MTMR2: variants seen among roughly 807,000 people sequenced by gnomAD.
MTMR2 encodes the protein phosphatidylinositol-3,5-bisphosphate 3-phosphatase MTMR2.
In MTMR2, 55 loss-of-function variants were observed where a neutral mutation model predicts 86.9. The observed-to-expected ratio is 0.63, with a 90% CI of 0.51 to 0.79. The LOEUF (loss-of-function observed/expected upper bound fraction) is 0.79, where lower values mean the gene tolerates loss of function less well. MTMR2 is among the 30% of genes least tolerant of loss of function. The pLI, the probability that MTMR2 is intolerant of heterozygous loss-of-function variation, is 0.00. For synonymous variants in MTMR2, 241 were observed against 266.8 expected, an observed-to-expected ratio of 0.90 and a Z score of 0.94; for missense variants, 659 against 772.3, an observed-to-expected ratio of 0.85 and a Z score of 1.74.
intron 2 of MTMR2, among the ~76,000 whole-genome samples, chr11:95,875,134 T>C (rs1340600444): frequency 2.0e-5 from 3 of 152,228 alleles, no homozygotes; most frequent in East Asian, 1.9e-4. Flanking sequence ...TGAATTTGAA[T>C]GTTGGCCTGC....
At chr11:95,846,377 T>C (rs1388663372) in intron 10 of MTMR2, among the ~76,000 whole-genome samples, 1 of 152,212 alleles carries the variant, frequency 6.6e-6, no homozygotes, top group Non-Finnish European at 1.5e-5. Context: ...GTTTACATTC[T>C]ATTTGGGTGA....
chr11:95,871,977 T>A (rs557858603), intron 2 of MTMR2, among the ~76,000 whole-genome samples: 2 of 152,338 alleles, frequency 1.3e-5, no homozygotes, highest in South Asian at 4.1e-4. Context: ...CCCAGCACTG[T>A]TTATTAAATA....
At chr11:95,838,037 T>C (rs903526034) in intron 13 of MTMR2, 57 bp downstream of exon 13, 6 of 1,105,746 alleles carry the variant, frequency 5.4e-6, no homozygotes, top group Non-Finnish European at 8.3e-6. Flanking sequence ...AGTACATTCT[T>C]TTAGGGAAAA....
At chr11:95,890,634 A>G (rs901204824) in intron 1 of MTMR2, among the ~76,000 whole-genome samples, 7 of 152,246 alleles carry the variant, frequency 4.6e-5, no homozygotes, top group East Asian at 1.9e-4. Flanking sequence ...CCATCTTATA[A>G]ACATTAGCAA....
chr11:95,895,672 G>C (rs1267786319), intron 1 of MTMR2, among the ~76,000 whole-genome samples: 1 of 152,066 alleles, frequency 6.6e-6, no homozygotes, highest in East Asian at 1.9e-4. Context: ...AAATGGTATA[G>C]CCACTTTGGA....
intron 7 of MTMR2, among the ~76,000 whole-genome samples, chr11:95,853,873 GA>G (rs1470754768): frequency 4.6e-5 from 7 of 152,052 alleles, no homozygotes; most frequent in Admixed American, 1.3e-4. Context: ...AGAAAACATG[GA>G]GTCAGAGCTA....
intron 1 of MTMR2, among the ~76,000 whole-genome samples, chr11:95,909,313 G>A (rs1866411928): frequency 6.6e-6 from 1 of 152,084 alleles, no homozygotes; most frequent in Admixed American, 6.6e-5. Flanking sequence ...GTTGTTTCAT[G>A]TAGATTTTGT....
At chr11:95,889,956 A>G (rs763353888) in intron 1 of MTMR2, among the ~76,000 whole-genome samples, 3 of 152,236 alleles carry the variant, frequency 2.0e-5, no homozygotes, top group Non-Finnish European at 4.4e-5. Context: ...TTTTGATGAA[A>G]TACTTCACCT....
Position 95,888,180 on chromosome 11 carries a change from G to T in MTMR2, c.162C>A (p.Ala54=), listed in dbSNP as rs547213836. The T allele has an allele frequency of 6.2e-7, 1 of 1,612,820 alleles. No individual in the cohort carries two copies. Among genetic ancestry groups the T allele is most frequent in the Non-Finnish European group, 8.5e-7 (1 of 1,179,204 alleles). The change falls in exon 2 of 15, where the codon GCC becomes GCA. Residue 54 remains alanine (A), a synonymous_variant. Coordinates refer to ENST00000346299, the MANE Select transcript of MTMR2 (RefSeq NM_016156.6). ...CCCTCAAATCAGGAGAAAAGTTGTCGGCAGAAGTTGAAATGGAATCTGATG... is the reference window on the plus strand; with the variant it reads ...CCCTCAAATCAGGAGAAAAGTTGTCTGCAGAAGTTGAAATGGAATCTGATG... ...VVSSDSISTS[A]DNFSPDLRVL...
chr11:95,839,800 T>C (rs1041993025), intron 12 of MTMR2, among the ~76,000 whole-genome samples: 2 of 152,066 alleles, frequency 1.3e-5, no homozygotes, highest in African/African-American at 2.4e-5. Flanking sequence ...CTAACAAACA[T>C]TATGACTAGT....
rs1863869451 is a variant in MTMR2 at position 95,848,047 on chromosome 11, T to C, written c.994-148A>G. On this transcript the variant is annotated intron_variant, in intron 9 of 14. Transcript: ENST00000346299. Reference sequence around the variant, plus strand: ...AAAATGTGGATGGCTCAGGACAACTTATTTAGCACAACCACTCGCTTTCTT... The same window carrying C: ...AAAATGTGGATGGCTCAGGACAACTCATTTAGCACAACCACTCGCTTTCTT... The C allele has an allele frequency of 2.9e-5, 22 of 760,498 alleles. 1 individual carries two copies. The Middle Eastern group carries it at 2.6e-3, about 88-fold the overall frequency. The allele number at this position is 760,498 out of a possible 1,614,324, so 47.1% of individuals were successfully genotyped here.
chr11:95,835,366 G>C lies in MTMR2; in HGVS notation c.1856C>G (p.Ser619Cys). ...CTCTGAGGATGAGGTTGATCGGTTA[G>C]AAATCTCTCTCTGTAGTTCCTCTAC... ...KKVEELQREI[S>C]NRSTSSSERA... The change falls in exon 15 of 15, where the codon TCT becomes TGT. Residue 619 changes from serine to cysteine, a missense_variant. By Grantham distance (112) the Ser-to-Cys change is moderately radical (BLOSUM62 -1). This residue lies in a region of MTMR2 where 193 missense variants were observed against 191.6 expected (regional missense o/e 1.01). Transcript: ENST00000346299. 4 of 1,613,180 alleles carry C rather than the reference G, an allele frequency of 2.5e-6. No individual in the cohort carries two copies. The highest frequency in any genetic ancestry group is 3.4e-6 in the Non-Finnish European group (4 of 1,179,392).
chr11:95,922,428 T>A (rs1591059147), intron 1 of MTMR2, among the ~76,000 whole-genome samples: 1 of 152,312 alleles, frequency 6.6e-6, no homozygotes, highest in African/African-American at 2.4e-5. Flanking sequence ...ACTGAACATG[T>A]TAATCCTCAG....
In MTMR2 at chr11:95,911,835, CA is replaced by C. The variant is rs542866001; in HGVS notation, c.80+12039del. 1.8e-4 allele frequency among the ~76,000 whole-genome samples: 27 copies of C among 152,182 alleles called. No homozygotes were observed. The South Asian group carries it at 5.6e-3, about 32-fold the overall frequency. On this transcript the variant is annotated intron_variant, in intron 1 of 14. Transcript: ENST00000346299. ...CACTTACTTGGACAAGTATAGAAAACAGGGAAATTTATGTCTTGAAAAATGA... is the reference window on the plus strand; with the variant it reads ...CACTTACTTGGACAAGTATAGAAAACGGGAAATTTATGTCTTGAAAAATGA...
At chr11:95,879,487 T>C (rs923996452) in intron 2 of MTMR2, among the ~76,000 whole-genome samples, 1 of 152,204 alleles carries the variant, frequency 6.6e-6, no homozygotes, top group African/African-American at 2.4e-5. Flanking sequence ...ATTATGTCAT[T>C]ATCCTAGTAC....
chr11:95,842,920 C>T (rs1863610330), intron 11 of MTMR2, among the ~76,000 whole-genome samples: 1 of 152,126 alleles, frequency 6.6e-6, no homozygotes, highest in African/African-American at 2.4e-5. Context: ...TAAATCTCAT[C>T]CCTTAAGTAC....
intron 1 of MTMR2, among the ~76,000 whole-genome samples, chr11:95,894,384 A>G (rs1227273337): frequency 6.6e-6 from 1 of 152,174 alleles, no homozygotes; most frequent in African/African-American, 2.4e-5. Flanking sequence ...AAAATAAAAC[A>G]CGTAAAACAC....
At chr11:95,837,876 C>G (rs932681075) in intron 13 of MTMR2, among the ~76,000 whole-genome samples, 2 of 152,044 alleles carry the variant, frequency 1.3e-5, no homozygotes, top group African/African-American at 4.8e-5. Flanking sequence ...CACTCATGAA[C>G]TCAGCAGACA....
At chr11:95,873,342 G>A (rs868266026) in intron 2 of MTMR2, among the ~76,000 whole-genome samples, 5 of 152,320 alleles carry the variant, frequency 3.3e-5, no homozygotes, top group African/African-American at 9.6e-5. Context: ...TTGGGAGAGT[G>A]TATGTGTCGA....
Sources: allele counts gnomAD v4.1 joint callset (sites outside exome capture counted in the v4.1 genomes callset), GRCh38; gene constraint gnomAD v4.1.1; regional missense constraint gnomAD v4.1.1; transcripts MANE v1.5; gene names NCBI Gene and HGNC (gene_info 2026-07-23, HGNC 2026-07-21).